Variants in ATXN1 observed in about 807,000 individuals in gnomAD.
ATXN1 encodes ataxin-1.
ATXN1 carries 8 observed loss-of-function variants against 56.4 expected under a neutral mutation model. The observed-to-expected ratio is 0.14, with a 90% CI of 0.08 to 0.26. ATXN1 has a LOEUF of 0.26. Ranked by LOEUF, ATXN1 falls within the 10% of genes least tolerant of loss-of-function variation. The probability of loss-of-function intolerance (pLI) is 1.00; values close to 1 mark genes in which losing one functional copy is unlikely to be tolerated. For synonymous variants in ATXN1, 514 were observed against 494.6 expected (o/e 1.04, Z -0.52); for missense variants, 987 against 1,106.5 (o/e 0.89, Z 1.53).
chr6:16,333,403 A>C (rs1761035421), intron 6 of ATXN1, among the ~76,000 whole-genome samples: 1 of 152,224 alleles, frequency 6.6e-6, no homozygotes, highest in South Asian at 2.1e-4. Context: ...TAGGAAAATG[A>C]GATGCTTCTG....
At position 16,319,217 on chromosome 6, in the gene ATXN1, C is replaced by CAA. The variant is rs796984194; in HGVS notation, c.1917+7175_1917+7176dup. 2.2e-3 allele frequency among the ~76,000 whole-genome samples: 302 copies of CAA among 139,316 alleles called. 1 individual carries two copies. The highest frequency in any genetic ancestry group is 7.0e-3 in the African/African-American group (266 of 38,074). 91.4% of individuals were successfully genotyped at this position (139,316 alleles called of 152,430 possible). The stretch of plus-strand genomic sequence containing the variant: ...TGGGCAACAGAGCAAGACCCTATCT[C>CAA]AAAAAAAAAAAATGTGCCTTAAAGA... On this transcript the variant is annotated intron_variant, in intron 7 of 7. Transcript: ENST00000436367.
chr6:16,643,115 C>CA (rs1428190655), intron 3 of ATXN1, among the ~76,000 whole-genome samples: 1 of 151,842 alleles, frequency 6.6e-6, no homozygotes, highest in African/African-American at 2.4e-5. Flanking sequence ...ACTAAAAATA[C>CA]AAAAATTAGC....
intron 3 of ATXN1, among the ~76,000 whole-genome samples, chr6:16,653,352 A>C (rs1245036912): frequency 1.3e-5 from 2 of 152,222 alleles, no homozygotes; most frequent in Non-Finnish European, 2.9e-5. Flanking sequence ...TGTGCACTGT[A>C]GGTGCTTTGA....
At chr6:16,600,406 T>C (rs1250251925) in intron 3 of ATXN1, among the ~76,000 whole-genome samples, 1 of 152,226 alleles carries the variant, frequency 6.6e-6, no homozygotes, top group East Asian at 1.9e-4. Context: ...TGAAAATTTC[T>C]CCGTGATATT....
chr6:16,691,728 T>C (rs186841390), intron 2 of ATXN1, among the ~76,000 whole-genome samples: 1 of 152,306 alleles, frequency 6.6e-6, no homozygotes, highest in Admixed American at 6.5e-5. Context: ...CTCTAGGCAG[T>C]GTGTGGACAG....
At chr6:16,602,743 C>A (rs894303447) in intron 3 of ATXN1, among the ~76,000 whole-genome samples, 11 of 152,200 alleles carry the variant, frequency 7.2e-5, no homozygotes, top group Non-Finnish European at 1.3e-4. Flanking sequence ...AGCCACTGAG[C>A]CTGGCCGCAG....
intron 3 of ATXN1, among the ~76,000 whole-genome samples, chr6:16,619,570 T>TA (rs1312673073): frequency 3.9e-5 from 6 of 152,180 alleles, no homozygotes; most frequent in Non-Finnish European, 8.8e-5. Context: ...TGATCCCAGT[T>TA]AAAAAATCTA....
chr6:16,644,146 A>C (rs1358237277), intron 3 of ATXN1, among the ~76,000 whole-genome samples: 1 of 152,208 alleles, frequency 6.6e-6, no homozygotes, highest in Admixed American at 6.5e-5. Flanking sequence ...GTTCGGGATG[A>C]TGAAAAAGTT....
At chr6:16,749,248 T>C (rs893892053) in intron 2 of ATXN1, among the ~76,000 whole-genome samples, 1 of 152,204 alleles carries the variant, frequency 6.6e-6, no homozygotes, top group East Asian at 1.9e-4. Context: ...CAGAGTCAAG[T>C]AGATGGCACA....
intron 6 of ATXN1, among the ~76,000 whole-genome samples, chr6:16,389,029 T>C (rs9477114): frequency 0.12 from 18,140 of 152,274 alleles, 1,129 homozygotes; most frequent in African/African-American, 0.14. Context: ...CTGAGCACTA[T>C]GTGCCTAAAT....
intron 3 of ATXN1, among the ~76,000 whole-genome samples, chr6:16,650,663 A>C (rs568960972): frequency 6.6e-6 from 1 of 152,284 alleles, no homozygotes; most frequent in South Asian, 2.1e-4. Context: ...ACCGTAACCT[A>C]CCTGGATGTG....
At chr6:16,729,651 T>A (rs1759925052) in intron 2 of ATXN1, among the ~76,000 whole-genome samples, 1 of 152,130 alleles carries the variant, frequency 6.6e-6, no homozygotes. Context: ...CTCATGGAGG[T>A]CTCTGAGTTG....
chr6:16,371,014 A>G (rs1352155824), intron 6 of ATXN1, among the ~76,000 whole-genome samples: 1 of 152,186 alleles, frequency 6.6e-6, no homozygotes, highest in Non-Finnish European at 1.5e-5. Context: ...TGGAGTCCCT[A>G]CTATTGGGAG....
At chr6:16,360,278 A>T (rs544449605) in intron 6 of ATXN1, among the ~76,000 whole-genome samples, 1 of 152,330 alleles carries the variant, frequency 6.6e-6, no homozygotes, top group African/African-American at 2.4e-5. Context: ...GTCAGAGATG[A>T]CTTCAAAGAG....
intron 4 of ATXN1, among the ~76,000 whole-genome samples, chr6:16,525,245 C>A (rs1023190436): frequency 1.3e-5 from 2 of 152,066 alleles, no homozygotes; most frequent in Admixed American, 1.3e-4. Context: ...GCACTGTTTA[C>A]AATAGCTAAG....
At chr6:16,652,703 C>A (rs1413389240) in intron 3 of ATXN1, among the ~76,000 whole-genome samples, 1 of 152,202 alleles carries the variant, frequency 6.6e-6, no homozygotes, top group Non-Finnish European at 1.5e-5. Context: ...CCCTCGCTCC[C>A]ATCAGATGGA....
intron 3 of ATXN1, among the ~76,000 whole-genome samples, chr6:16,588,369 T>TC (rs955844105): frequency 6.6e-6 from 1 of 152,236 alleles, no homozygotes; most frequent in African/African-American, 2.4e-5. Context: ...TGGCTTACTT[T>TC]CAATTCCTTA....
chr6:16,480,070 T>C (rs1320512782), intron 6 of ATXN1, among the ~76,000 whole-genome samples: 1 of 142,866 alleles, frequency 7.0e-6, no homozygotes, highest in Non-Finnish European at 1.5e-5. Flanking sequence ...GAGAATCGCT[T>C]GAACCCAGAA....
chr6:16,739,200 T>G (rs568248692), intron 2 of ATXN1: 203 of 152,186 alleles, frequency 1.3e-3, no homozygotes, highest in African/African-American at 4.8e-3. Flanking sequence ...CCCTGACATT[T>G]TTATTCTGTA....
Sources: allele counts gnomAD v4.1 joint callset (sites outside exome capture counted in the v4.1 genomes callset), GRCh38; gene constraint gnomAD v4.1.1; transcripts MANE v1.5; gene names NCBI Gene and HGNC (gene_info 2026-07-23, HGNC 2026-07-21).